CADPS2: variants seen among roughly 807,000 people sequenced by gnomAD.
CADPS2 encodes calcium dependent secretion activator 2, also known as calcium-dependent secretion activator 2.
In CADPS2, 93 loss-of-function variants were observed where a neutral mutation model predicts 172.5. The observed-to-expected ratio is 0.54, with a 90% CI of 0.46 to 0.64. The LOEUF (loss-of-function observed/expected upper bound fraction) is 0.64, where lower values mean the gene tolerates loss of function less well. CADPS2 is among the 30% of genes least tolerant of loss of function. The probability of loss-of-function intolerance (pLI) is 0.00; values close to 1 mark genes in which losing one functional copy is unlikely to be tolerated. For missense variants in CADPS2, 1,420 were observed against 1,565.9 expected, an observed-to-expected ratio of 0.91 and a Z score of 1.57; for synonymous variants, 546 against 555.2, an observed-to-expected ratio of 0.98 and a Z score of 0.23.
intron 17 of CADPS2, among the ~76,000 whole-genome samples, chr7:122,432,667 A>C (rs2050115754): frequency 6.6e-6 from 1 of 151,170 alleles, no homozygotes; most frequent in African/African-American, 2.4e-5. Context: ...AAAAAGAAAA[A>C]AAGAAAAGAA....
chr7:122,620,835 A>T (rs1356502426), intron 5 of CADPS2, among the ~76,000 whole-genome samples: 1 of 152,194 alleles, frequency 6.6e-6, no homozygotes, highest in Non-Finnish European at 1.5e-5. Context: ...CAAATTACAA[A>T]GAATTCAATT....
intron 2 of CADPS2, among the ~76,000 whole-genome samples, chr7:122,703,952 T>C (rs1018743798): frequency 6.6e-6 from 1 of 152,112 alleles, no homozygotes; most frequent in Non-Finnish European, 1.5e-5. Context: ...AGATGCCTTA[T>C]TGTTTAGTTT....
chr7:122,564,919 T>C (rs1587360029), intron 7 of CADPS2, among the ~76,000 whole-genome samples: 1 of 151,884 alleles, frequency 6.6e-6, no homozygotes, highest in African/African-American at 2.4e-5. Context: ...TTATGTCTTT[T>C]ACAGCAACAT....
chr7:122,647,583 T>C (rs2078699108), intron 3 of CADPS2, among the ~76,000 whole-genome samples: 1 of 152,148 alleles, frequency 6.6e-6, no homozygotes, highest in South Asian at 2.1e-4. Flanking sequence ...TCTAAGGTGA[T>C]TAGGGAAAAT....
chr7:122,605,078 A>G (rs1280292997), intron 6 of CADPS2, among the ~76,000 whole-genome samples: 1 of 152,156 alleles, frequency 6.6e-6, no homozygotes, highest in Non-Finnish European at 1.5e-5. Flanking sequence ...AAGTATGTGT[A>G]TTTCTAAACA....
At position 122,491,437 on chromosome 7, in the gene CADPS2, A is replaced by G. The variant is rs1321090774; in HGVS notation, c.1543-17T>C. The G allele has an allele frequency of 2.8e-6, 4 of 1,447,510 alleles. No individual in the cohort carries two copies. Among genetic ancestry groups the G allele is most frequent in the Non-Finnish European group, 3.8e-6 (4 of 1,053,354 alleles). The allele number at this position is 1,447,510 out of a possible 1,614,324, so 89.7% of individuals were successfully genotyped here. On this transcript the variant is annotated splice_polypyrimidine_tract_variant and intron_variant, in intron 9 of 29. Transcript: ENST00000449022. ...TTGGCTAACCTGCTCGAGAAAAAAA[A>G]AGTTTACAGATTAGTCACATTAAAT...
At chr7:122,834,093 CT>C (rs1402167926) in intron 1 of CADPS2, among the ~76,000 whole-genome samples, 1 of 152,132 alleles carries the variant, frequency 6.6e-6, no homozygotes, top group Non-Finnish European at 1.5e-5. Flanking sequence ...AACTTATAAA[CT>C]GTTCAGGAAG....
intron 20 of CADPS2, among the ~76,000 whole-genome samples, chr7:122,396,651 A>AT (rs2045174835): frequency 6.6e-6 from 1 of 152,148 alleles, no homozygotes; most frequent in African/African-American, 2.4e-5. Flanking sequence ...GACTTTCACG[A>AT]TTCAATATAC....
At chr7:122,496,324 GCTAA>G (rs1335942085) in intron 9 of CADPS2, among the ~76,000 whole-genome samples, 9 of 152,052 alleles carry the variant, frequency 5.9e-5, no homozygotes, top group African/African-American at 9.7e-5. Context: ...ACCGTATCTG[GCTAA>G]CTGTTTCTGT....
intron 1 of CADPS2, among the ~76,000 whole-genome samples, chr7:122,836,308 C>G (rs1318440242): frequency 4.6e-5 from 7 of 152,074 alleles, no homozygotes; most frequent in Non-Finnish European, 8.8e-5. Context: ...ACAAACAGCA[C>G]CAGCCACTGC....
At chr7:122,480,723 C>G (rs2057188009) in intron 12 of CADPS2, 129 bp downstream of exon 12, 1 of 595,240 alleles carries the variant, frequency 1.7e-6, no homozygotes, top group African/African-American at 1.9e-5. Flanking sequence ...ATAAAGCTAA[C>G]TTAAATATTC....
intron 1 of CADPS2, among the ~76,000 whole-genome samples, chr7:122,861,516 A>G (rs1015528153): frequency 1.3e-5 from 2 of 152,188 alleles, no homozygotes; most frequent in African/African-American, 2.4e-5. Flanking sequence ...TGTCAGATGC[A>G]CAGTTTATAA....
chr7:122,559,414 T>G (rs2065436172), intron 7 of CADPS2, among the ~76,000 whole-genome samples: 1 of 152,118 alleles, frequency 6.6e-6, no homozygotes, highest in Non-Finnish European at 1.5e-5. Context: ...CGAAAAGAAC[T>G]TCAATCAGTA....
intron 9 of CADPS2, among the ~76,000 whole-genome samples, chr7:122,496,075 G>A (rs1038633623): frequency 1.3e-5 from 2 of 152,014 alleles, no homozygotes; most frequent in African/African-American, 4.8e-5. Context: ...AAATGTTATT[G>A]CATTTTGTTA....
At chr7:122,837,319 G>A (rs1487815405) in intron 1 of CADPS2, among the ~76,000 whole-genome samples, 2 of 152,132 alleles carry the variant, frequency 1.3e-5, no homozygotes, top group African/African-American at 2.4e-5. Context: ...GCCCACAAGA[G>A]AAAGCAGGAA....
At chr7:122,620,455 C>G (rs763473505) in intron 5 of CADPS2, among the ~76,000 whole-genome samples, 1 of 151,892 alleles carries the variant, frequency 6.6e-6, no homozygotes, top group Non-Finnish European at 1.5e-5. Context: ...TTGTGGTGTA[C>G]AAACCCACAG....
intron 1 of CADPS2, among the ~76,000 whole-genome samples, chr7:122,774,332 CAA>C (rs1171393239): frequency 1.3e-5 from 2 of 149,602 alleles, no homozygotes; most frequent in African/African-American, 4.9e-5. Context: ...AAAGAACTGA[CAA>C]AAAAGTCATC....
chr7:122,642,051 AG>A (rs2077710321), intron 3 of CADPS2, among the ~76,000 whole-genome samples: 1 of 151,970 alleles, frequency 6.6e-6, no homozygotes, highest in African/African-American at 2.4e-5. Flanking sequence ...AAGCTGAGGC[AG>A]GTGGATCACT....
At chr7:122,750,419 T>C (rs572129011) in intron 1 of CADPS2, among the ~76,000 whole-genome samples, 3 of 152,154 alleles carry the variant, frequency 2.0e-5, no homozygotes, top group Non-Finnish European at 4.4e-5. Context: ...TCGTATTGTG[T>C]CTTCTGATGC....
Sources: gnomAD v4.1 joint callset for allele counts (sites outside exome capture counted in the v4.1 genomes callset) on GRCh38, gnomAD v4.1.1 for gene constraint, MANE v1.5 for transcripts, NCBI Gene and HGNC (gene_info 2026-07-23, HGNC 2026-07-21) for gene names.